Variants in FARS2 observed in about 807,000 individuals in gnomAD.
FARS2 encodes the protein phenylalanyl-tRNA synthetase 2, mitochondrial.
Under a neutral mutation model 46.4 loss-of-function variants are expected in FARS2, and 40 were observed. That is an observed-to-expected ratio of 0.86 (90% CI 0.67 to 1.12). The LOEUF (loss-of-function observed/expected upper bound fraction) is 1.12. Ranked by LOEUF, FARS2 falls within the 50% of genes most tolerant of loss-of-function variation. FARS2 has a pLI of 0.00. For synonymous variants in FARS2, 234 were observed against 214.9 expected, an observed-to-expected ratio of 1.09 and a Z score of -0.78; for missense variants, 513 against 567.9, an observed-to-expected ratio of 0.90 and a Z score of 0.98.
intron 4 of FARS2, among the ~76,000 whole-genome samples, chr6:5,478,426 T>G (rs1314097121): frequency 6.6e-6 from 1 of 152,220 alleles, no homozygotes; most frequent in Non-Finnish European, 1.5e-5. Context: ...AGGAATATCA[T>G]TTCCGTTTTA....
chr6:5,346,976 C>A (rs1400368982), intron 1 of FARS2, among the ~76,000 whole-genome samples: 2 of 150,502 alleles, frequency 1.3e-5, no homozygotes, highest in South Asian at 4.2e-4. Context: ...TGCAGTGTTA[C>A]AATCTTGGCA....
chr6:5,342,944 G>A (rs1370832740), intron 1 of FARS2, among the ~76,000 whole-genome samples: 1 of 152,062 alleles, frequency 6.6e-6, no homozygotes, highest in Non-Finnish European at 1.5e-5. Flanking sequence ...CAAATACTGG[G>A]AAAGAGTTCA....
In FARS2 at chr6:5,702,483, G is replaced by A. The variant is rs112505831; in HGVS notation, c.1218-68808G>A. 1.6e-3 allele frequency among the ~76,000 whole-genome samples: 241 copies of A among 152,182 alleles called. 1 individual carries two copies. Among genetic ancestry groups the A allele is most frequent in the African/African-American group, 5.7e-3 (238 of 41,506 alleles). On this transcript the variant is annotated intron_variant, in intron 6 of 6. Transcript: ENST00000274680. ...ATAAAATATAACTTTAATTTTTCTT[G>A]GATAATTAAAATGTTTTTCTAATGG...
chr6:5,431,239 G>A (rs1294049103), intron 4 of FARS2, 67 bp downstream of exon 4: 21 of 1,517,456 alleles, frequency 1.4e-5, no homozygotes, highest in East Asian at 2.3e-5. Flanking sequence ...AGGCAGCCCC[G>A]TTGCACACTT....
intron 4 of FARS2, among the ~76,000 whole-genome samples, chr6:5,538,654 T>C (rs1313049988): frequency 6.6e-6 from 1 of 152,178 alleles, no homozygotes. Context: ...TACAGAAAAC[T>C]ATATGATAGA....
intron 5 of FARS2, among the ~76,000 whole-genome samples, chr6:5,608,875 C>T (rs1775002017): frequency 7.9e-6 from 1 of 127,274 alleles, no homozygotes; most frequent in African/African-American, 2.9e-5. Flanking sequence ...AGCAGACTAA[C>T]TTTATACAGC....
At chr6:5,511,312 A>G (rs1196403264) in intron 4 of FARS2, among the ~76,000 whole-genome samples, 1 of 152,256 alleles carries the variant, frequency 6.6e-6, no homozygotes, top group African/African-American at 2.4e-5. Flanking sequence ...TATAAATTAT[A>G]CTTAAATAAC....
chr6:5,698,054 G>A (rs1473492179), intron 6 of FARS2, among the ~76,000 whole-genome samples: 1 of 152,138 alleles, frequency 6.6e-6, no homozygotes, highest in Non-Finnish European at 1.5e-5. Flanking sequence ...GATATGGGAG[G>A]ACAAGGGAAG....
intron 1 of FARS2, among the ~76,000 whole-genome samples, chr6:5,301,738 T>C (rs1378392543): frequency 6.6e-6 from 1 of 151,970 alleles, no homozygotes. Flanking sequence ...ACTAACATTC[T>C]AGTTTTATTG....
intron 2 of FARS2, among the ~76,000 whole-genome samples, chr6:5,379,059 C>T (rs974235701): frequency 3.9e-5 from 6 of 152,194 alleles, no homozygotes; most frequent in Admixed American, 2.0e-4. Flanking sequence ...CAGTTTTGCC[C>T]ATGACCCTTA....
At chr6:5,307,792 C>T (rs1375220940) in intron 1 of FARS2, among the ~76,000 whole-genome samples, 1 of 151,992 alleles carries the variant, frequency 6.6e-6, no homozygotes, top group Non-Finnish European at 1.5e-5. Flanking sequence ...TGGCACCTGC[C>T]AGCATCTCGG....
At chr6:5,502,853 G>C (rs1299239448) in intron 4 of FARS2, among the ~76,000 whole-genome samples, 1 of 152,106 alleles carries the variant, frequency 6.6e-6, no homozygotes, top group African/African-American at 2.4e-5. Context: ...TTATATCACA[G>C]CCATCTCATC....
At chr6:5,340,141 ATTGATG>A (rs1329107218) in intron 1 of FARS2, among the ~76,000 whole-genome samples, 10 of 152,190 alleles carry the variant, frequency 6.6e-5, no homozygotes, top group Admixed American at 6.5e-5. Flanking sequence ...GTGACCCAGA[ATTGATG>A]TTGAGTCTGC....
chr6:5,580,327 G>A (rs1582499415), intron 5 of FARS2, among the ~76,000 whole-genome samples: 1 of 150,764 alleles, frequency 6.6e-6, no homozygotes, highest in East Asian at 1.9e-4. Context: ...GAGGGAGGAA[G>A]GAAGGAAGGA....
At chr6:5,489,061 A>G (rs1766946217) in intron 4 of FARS2, among the ~76,000 whole-genome samples, 1 of 152,144 alleles carries the variant, frequency 6.6e-6, no homozygotes, top group East Asian at 1.9e-4. Flanking sequence ...TTATATATCT[A>G]GTGTCATCAG....
intron 5 of FARS2, among the ~76,000 whole-genome samples, chr6:5,557,017 T>A (rs1771702682): frequency 6.6e-6 from 1 of 152,132 alleles, no homozygotes; most frequent in South Asian, 2.1e-4. Context: ...ATTTAATAGT[T>A]GGTGGATTAT....
intron 6 of FARS2, among the ~76,000 whole-genome samples, chr6:5,646,292 A>G (rs1777069227): frequency 6.6e-6 from 1 of 152,160 alleles, no homozygotes; most frequent in African/African-American, 2.4e-5. Context: ...ATAATATTGC[A>G]GTGAGAATTA....
chr6:5,400,057 G>C (rs926883779), intron 2 of FARS2, among the ~76,000 whole-genome samples: 5 of 152,034 alleles, frequency 3.3e-5, no homozygotes, highest in Admixed American at 1.3e-4. Flanking sequence ...TCTCCAAAAG[G>C]GTTCTACCAG....
At chr6:5,303,691 A>C (rs934530464) in intron 1 of FARS2, among the ~76,000 whole-genome samples, 1 of 152,074 alleles carries the variant, frequency 6.6e-6, no homozygotes, top group East Asian at 1.9e-4. Flanking sequence ...CTTGCCACAG[A>C]CATTTCTCAT....
Sources: allele counts gnomAD v4.1 joint callset (sites outside exome capture counted in the v4.1 genomes callset), GRCh38; gene constraint gnomAD v4.1.1; transcripts MANE v1.5; gene names NCBI Gene and HGNC (gene_info 2026-07-23, HGNC 2026-07-21).